Variants in DNAH14 observed in about 807,000 individuals in gnomAD.
DNAH14 encodes the protein axonemal beta dynein heavy chain 14.
In DNAH14, 478 loss-of-function variants were observed where a neutral mutation model predicts 520.9. The ratio of observed to expected loss-of-function variants is 0.92; its 90% CI spans 0.85 to 0.99. The LOEUF is 0.99. DNAH14 is among the 50% of genes least tolerant of loss of function. The pLI is 0.00. For synonymous variants in DNAH14, 1,581 were observed against 1,757.2 expected (o/e 0.90, Z 2.51); for missense variants, 4,831 against 5,234.5 (o/e 0.92, Z 2.38).
chr1:225,220,568 T>C (rs2089946940), intron 41 of DNAH14, among the ~76,000 whole-genome samples: 1 of 151,720 alleles, frequency 6.6e-6, no homozygotes, highest in African/African-American at 2.4e-5. Flanking sequence ...ACAAAGAAAA[T>C]AAAATACCTA....
At chr1:225,142,959 T>A (rs1004617570) in intron 28 of DNAH14, among the ~76,000 whole-genome samples, 1 of 152,050 alleles carries the variant, frequency 6.6e-6, no homozygotes, top group African/African-American at 2.4e-5. Context: ...TTTAAAAAAA[T>A]TAATGAAATA....
intron 28 of DNAH14, among the ~76,000 whole-genome samples, chr1:225,142,565 A>G (rs1047297841): frequency 6.6e-5 from 10 of 152,184 alleles, no homozygotes; most frequent in Non-Finnish European, 1.0e-4. Context: ...CAAGTATCCA[A>G]TCTGATCCCA....
chr1:225,188,200 A>G (rs777004636), intron 37 of DNAH14, among the ~76,000 whole-genome samples: 10 of 151,884 alleles, frequency 6.6e-5, no homozygotes, highest in Non-Finnish European at 1.2e-4. Flanking sequence ...CTCATGGTCA[A>G]CTGTGGTCCA....
chr1:225,135,038 G>C (rs1190644583), intron 27 of DNAH14, among the ~76,000 whole-genome samples: 2 of 151,952 alleles, frequency 1.3e-5, no homozygotes, highest in African/African-American at 4.8e-5. Context: ...ATTTCTTATT[G>C]TGTTTATTTG....
chr1:225,254,380 A>C (rs1320386574), intron 44 of DNAH14, among the ~76,000 whole-genome samples: 1 of 152,166 alleles, frequency 6.6e-6, no homozygotes. Context: ...ATTGACTTAA[A>C]AGTCAGATGC....
chr1:225,119,534 C>T (rs2077129858), intron 26 of DNAH14, among the ~76,000 whole-genome samples: 1 of 152,156 alleles, frequency 6.6e-6, no homozygotes, highest in African/African-American at 2.4e-5. Context: ...TGTTTACATG[C>T]ACAACCTTCA....
Position 225,271,763 on chromosome 1 carries a change from A to G in DNAH14, c.7672-143A>G, listed in dbSNP as rs1236238452. On this transcript the variant is annotated intron_variant, in intron 50 of 85. Coordinates refer to ENST00000682510, the MANE Select transcript of DNAH14 (RefSeq NM_001367479.1). Reference sequence around the variant, plus strand: ...TTTGTTTTTACTAATCTACCATCCTATGTTAAATGGATTTTAATTTTAACA... The same window carrying G: ...TTTGTTTTTACTAATCTACCATCCTGTGTTAAATGGATTTTAATTTTAACA... 7.0e-6 allele frequency: 5 copies of G among 712,276 alleles called. No homozygotes were observed. The African/African-American group carries it at 7.2e-5, about 10-fold the overall frequency. The allele number at this position is 712,276 out of a possible 1,614,324, so 44.1% of individuals were successfully genotyped here.
intron 39 of DNAH14, 89 bp downstream of exon 39, chr1:225,204,362 T>C: frequency 1.3e-6 from 1 of 763,056 alleles, no homozygotes; most frequent in Non-Finnish European, 2.0e-6. Flanking sequence ...TAAACATGTT[T>C]TTTGACTGGT....
At chr1:224,990,119 T>C (rs145930282) in intron 8 of DNAH14, among the ~76,000 whole-genome samples, 1,882 of 152,150 alleles carry the variant, frequency 0.012, 21 homozygotes, top group Middle Eastern at 0.037. Flanking sequence ...GAGAGATTGT[T>C]GTAGATTGGT....
At chr1:225,285,570 A>T (rs2093721027) in intron 54 of DNAH14, among the ~76,000 whole-genome samples, 1 of 150,612 alleles carries the variant, frequency 6.6e-6, no homozygotes, top group South Asian at 2.1e-4. Flanking sequence ...AAATAAACAG[A>T]TGCTGGCCCA....
At chr1:225,186,540 G>A (rs1199651664) in intron 37 of DNAH14, among the ~76,000 whole-genome samples, 1 of 151,742 alleles carries the variant, frequency 6.6e-6, no homozygotes, top group East Asian at 1.9e-4. Context: ...ATATAATTGT[G>A]AGAAATTTGG....
chr1:225,168,825 G>C (rs1311307974), intron 36 of DNAH14, among the ~76,000 whole-genome samples: 1 of 152,198 alleles, frequency 6.6e-6, no homozygotes, highest in Admixed American at 6.5e-5. Flanking sequence ...CATGCAACTT[G>C]AGATCTGAGA....
chr1:225,085,921 T>C (rs1045812794), intron 21 of DNAH14, 132 bp downstream of exon 21: 1 of 956,686 alleles, frequency 1.0e-6, no homozygotes, highest in Non-Finnish European at 1.4e-6. Context: ...TTACAATGAA[T>C]ATTTACTAGT....
chr1:225,056,608 G>C (rs2069134354), intron 17 of DNAH14, among the ~76,000 whole-genome samples: 1 of 152,124 alleles, frequency 6.6e-6, no homozygotes, highest in African/African-American at 2.4e-5. Context: ...CCTTGCCCAT[G>C]CCTATGTCCT....
At chr1:225,372,410 G>A (rs1453375477) in intron 77 of DNAH14, among the ~76,000 whole-genome samples, 4 of 152,102 alleles carry the variant, frequency 2.6e-5, no homozygotes, top group Admixed American at 6.5e-5. Flanking sequence ...ATAGTTGAGG[G>A]TGCAAAAATC....
chr1:225,365,210 C>A (rs1294467734), intron 76 of DNAH14, among the ~76,000 whole-genome samples: 4 of 152,098 alleles, frequency 2.6e-5, no homozygotes, highest in Admixed American at 2.6e-4. Flanking sequence ...TTATTTCTGC[C>A]CTACTTAACC....
chr1:225,352,392 T>G lies in DNAH14; in HGVS notation c.11533+509T>G, dbSNP rs1401106005. Among the ~76,000 whole-genome samples the G allele has an allele frequency of 3.3e-5, 5 of 152,166 alleles. No homozygotes were observed. In the East Asian group the frequency reaches 7.7e-4, roughly 23 times the overall value. On this transcript the variant is annotated intron_variant, in intron 72 of 85. Coordinates refer to ENST00000682510, the MANE Select transcript of DNAH14 (RefSeq NM_001367479.1). The stretch of plus-strand genomic sequence containing the variant: ...CCTTCCACATTTTTCTCTACTTCAC[T>G]TCCTGATTTTTGCCAAAATAGACAA...
chr1:225,275,048 G>A (rs2093432983), intron 52 of DNAH14, among the ~76,000 whole-genome samples: 1 of 152,204 alleles, frequency 6.6e-6, no homozygotes, highest in African/African-American at 2.4e-5. Context: ...AAACCGAGCA[G>A]AGTAAGATTA....
At chr1:225,398,837 C>A (rs1385323951) in intron 85 of DNAH14, among the ~76,000 whole-genome samples, 171 bp downstream of exon 85, 2 of 152,144 alleles carry the variant, frequency 1.3e-5, no homozygotes, top group East Asian at 1.9e-4. Flanking sequence ...AAAGTAGATG[C>A]TATACTTACA....
Sources: gnomAD v4.1 joint callset for allele counts (sites outside exome capture counted in the v4.1 genomes callset) on GRCh38, gnomAD v4.1.1 for gene constraint, MANE v1.5 for transcripts, NCBI Gene and HGNC (gene_info 2026-07-23, HGNC 2026-07-21) for gene names.